CHODL: variants seen among roughly 807,000 people sequenced by gnomAD.
CHODL encodes the protein transmembrane protein MT75.
CHODL carries 29 observed loss-of-function variants against 34.5 expected under a neutral mutation model. The observed-to-expected ratio is 0.84, with a 90% CI of 0.63 to 1.15. CHODL has a LOEUF of 1.15. Ranked by LOEUF, CHODL falls within the 50% of genes most tolerant of loss-of-function variation. The pLI, the probability that CHODL is intolerant of heterozygous loss-of-function variation, is 0.00. For missense variants in CHODL, 332 were observed against 332.5 expected (o/e 1.00, Z 0.01); for synonymous variants, 125 against 116.1 (o/e 1.08, Z -0.49).
chr21:17,969,926 A>G (rs1384335807), intron 1 of CHODL, among the ~76,000 whole-genome samples: 5 of 152,104 alleles, frequency 3.3e-5, no homozygotes, highest in Admixed American at 3.3e-4. Context: ...TATTTGCTTC[A>G]TGTTTTAATG....
chr21:18,237,850 C>T (rs2074043240), intron 2 of CHODL, among the ~76,000 whole-genome samples: 1 of 152,050 alleles, frequency 6.6e-6, no homozygotes, highest in African/African-American at 2.4e-5. Flanking sequence ...AGAATAAAAC[C>T]ACCTACTGGT....
chr21:18,022,674 G>A (rs1390950550), intron 1 of CHODL, among the ~76,000 whole-genome samples: 1 of 152,126 alleles, frequency 6.6e-6, no homozygotes, highest in Non-Finnish European at 1.5e-5. Flanking sequence ...TAGATTGGTT[G>A]ACTTTTCCAA....
In CHODL at chr21:17,917,740, G is replaced by A. The variant is rs147831628; in HGVS notation, c.-145+340G>A. On this transcript the variant is annotated intron_variant, in intron 1 of 6. Coordinates refer to the CHODL transcript ENST00000400127. ...GTGACCATTGATGTGGTTCACAAATGTCTATCTGCTGGGACACAGAGAAGA... is the reference window on the plus strand; with the variant it reads ...GTGACCATTGATGTGGTTCACAAATATCTATCTGCTGGGACACAGAGAAGA... Among the ~76,000 whole-genome samples, 1,216 of 152,316 alleles carry A rather than the reference G, an allele frequency of 8.0e-3. 19 individuals carry two copies. Among genetic ancestry groups the A allele is most frequent in the African/African-American group, 0.027 (1,120 of 41,554 alleles).
Position 18,266,369 on chromosome 21 carries a change from C to A in CHODL, c.*331C>A. ...GAAGCAATTCCTTTTATTTCTTTCA[C>A]CTTTCATAAGTTGTTATCTAGTCAA... On this transcript the variant is annotated 3_prime_UTR_variant, in exon 6 of 6. Coordinates refer to ENST00000299295, the MANE Select transcript of CHODL (RefSeq NM_024944.3). 5.7e-6 allele frequency: 3 copies of A among 522,834 alleles called. 1 individual carries two copies. The South Asian group carries it at 7.2e-5, about 13-fold the overall frequency. The allele number at this position is 522,834 out of a possible 1,614,324, so 32.4% of individuals were successfully genotyped here.
intron 1 of CHODL, among the ~76,000 whole-genome samples, chr21:17,939,617 C>T (rs1298828566): frequency 6.6e-6 from 1 of 152,112 alleles, no homozygotes; most frequent in Non-Finnish European, 1.5e-5. Context: ...TCTCACTAAC[C>T]AAACATCTAC....
rs1220602475 is a variant in CHODL, at chr21:18,042,665, T to G, written c.-45+14694T>G. Among the ~76,000 whole-genome samples the G allele has an allele frequency of 3.3e-4, 50 of 151,974 alleles. 1 individual carries two copies. The highest frequency in any genetic ancestry group is 3.3e-3 in the Admixed American group (50 of 15,236). On this transcript the variant is annotated intron_variant, in intron 2 of 6. Coordinates refer to the CHODL transcript ENST00000400127. ...GTTAACCATTTTGTTCAAAATGTGC[T>G]TCATTTTATGTTTCTCACATCACTT...
At chr21:18,256,249 G>A (rs1027779165) in intron 1 of CHODL, among the ~76,000 whole-genome samples, 7 of 151,884 alleles carry the variant, frequency 4.6e-5, no homozygotes, top group Admixed American at 4.6e-4. Flanking sequence ...ATCTAAGCCA[G>A]AAGAGTTATA....
chr21:18,177,071 A>G (rs2073324715), intron 2 of CHODL, among the ~76,000 whole-genome samples: 1 of 152,136 alleles, frequency 6.6e-6, no homozygotes, highest in Non-Finnish European at 1.5e-5. Flanking sequence ...TAAAAAATAA[A>G]GAATTTAAAT....
intron 2 of CHODL, among the ~76,000 whole-genome samples, chr21:18,115,773 G>A (rs1195802062): frequency 1.3e-5 from 2 of 152,098 alleles, no homozygotes; most frequent in African/African-American, 4.8e-5. Flanking sequence ...TTATCATGTG[G>A]ACACTCCTTA....
chr21:18,082,143 T>C (rs112090185), intron 2 of CHODL, among the ~76,000 whole-genome samples: 14 of 152,204 alleles, frequency 9.2e-5, no homozygotes, highest in East Asian at 5.8e-4. Flanking sequence ...GCTGTTCTTG[T>C]ATTAGTGAGT....
At chr21:17,921,740 G>A (rs1323866398) in intron 1 of CHODL, among the ~76,000 whole-genome samples, 1 of 152,210 alleles carries the variant, frequency 6.6e-6, no homozygotes, top group Non-Finnish European at 1.5e-5. Context: ...GGAGGGCAAT[G>A]TGTTGACACA....
intron 1 of CHODL, among the ~76,000 whole-genome samples, chr21:18,010,022 G>A (rs2063999100): frequency 6.8e-6 from 1 of 146,894 alleles, no homozygotes; most frequent in Non-Finnish European, 1.5e-5. Context: ...TTTTCATATG[G>A]CCAACTTCTG....
chr21:17,932,122 A>G (rs1343801164), intron 1 of CHODL, among the ~76,000 whole-genome samples: 2 of 152,196 alleles, frequency 1.3e-5, no homozygotes, highest in African/African-American at 2.4e-5. Context: ...ACAATGACAA[A>G]CAACCATATT....
chr21:18,133,472 T>C (rs763625193), intron 2 of CHODL, among the ~76,000 whole-genome samples: 4 of 152,158 alleles, frequency 2.6e-5, no homozygotes, highest in Non-Finnish European at 5.9e-5. Flanking sequence ...CACATACCCA[T>C]GCACACACAC....
At chr21:18,217,394 G>A (rs943443112) in intron 2 of CHODL, among the ~76,000 whole-genome samples, 1 of 152,102 alleles carries the variant, frequency 6.6e-6, no homozygotes, top group Non-Finnish European at 1.5e-5. Context: ...ATGGCAGGAA[G>A]GAGAAGTGCC....
At chr21:18,180,338 G>A (rs959724402) in intron 2 of CHODL, among the ~76,000 whole-genome samples, 7 of 152,036 alleles carry the variant, frequency 4.6e-5, no homozygotes, top group African/African-American at 1.7e-4. Context: ...TAGAGATGGG[G>A]TCCACTATGT....
intron 1 of CHODL, among the ~76,000 whole-genome samples, chr21:17,925,465 G>A (rs570017633): frequency 6.6e-6 from 1 of 152,116 alleles, no homozygotes; most frequent in Non-Finnish European, 1.5e-5. Context: ...AAATAGGAAA[G>A]AATTAAATAA....
chr21:18,256,794 C>T lies in CHODL; in HGVS notation c.365C>T (p.Ser122Phe). The T allele has an allele frequency of 6.2e-7, 1 of 1,613,762 alleles. No individual in the cohort carries two copies. The highest frequency in any genetic ancestry group is 8.5e-7 in the Non-Finnish European group (1 of 1,179,824). The change falls in exon 2 of 6, where the codon TCT (serine) becomes TTT (phenylalanine). Residue 122 changes from serine (S) to phenylalanine (F), a missense_variant. By Grantham distance (155) the Ser-to-Phe change is radical (BLOSUM62 -2). Transcript: ENST00000299295. ...GCCTGCCCAGATCTCTACCAGTGGT[C>T]TGATGGAAGCAATTCCCAGTACCGG... ...SGACPDLYQW[S>F]DGSNSQYRNW... is the part of the protein sequence containing the mutation.
chr21:18,030,638 T>C (rs950943020), intron 2 of CHODL, among the ~76,000 whole-genome samples: 2 of 152,128 alleles, frequency 1.3e-5, no homozygotes, highest in Non-Finnish European at 2.9e-5. Flanking sequence ...TTGGTTGCAA[T>C]GAAGAATGCA....
Sources: allele counts gnomAD v4.1 joint callset (sites outside exome capture counted in the v4.1 genomes callset), GRCh38; gene constraint gnomAD v4.1.1; transcripts MANE v1.5; gene names NCBI Gene and HGNC (gene_info 2026-07-23, HGNC 2026-07-21).